Variants in WASHC4 observed in about 807,000 individuals in gnomAD.
WASHC4 encodes the protein WASH complex subunit 7.
Under a neutral mutation model 166.6 loss-of-function variants are expected in WASHC4, and 86 were observed. That is an observed-to-expected ratio of 0.52 (90% CI 0.43 to 0.62). WASHC4 has a LOEUF of 0.62. Ranked by LOEUF, WASHC4 falls within the 20% of genes least tolerant of loss-of-function variation. The pLI is 0.00. For missense variants in WASHC4, 1,262 were observed against 1,382.4 expected (o/e 0.91, Z 1.38); for synonymous variants, 446 against 451.6 (o/e 0.99, Z 0.16).
At position 105,164,176 on chromosome 12, in the gene WASHC4, T is replaced by A; in HGVS notation, c.3223T>A (p.Ser1075Thr). The part of the protein sequence containing the change: ...REFDSLHWFQ[S>T]VREKYLKEIR... ...GTTTGATTCACTTCACTGGTTCCAG[T>A]CTGTTAGAGAGAAATACCTGAAGGA... The change falls in exon 31 of 33, where the codon TCT becomes ACT. Residue 1075 changes from serine (S) to threonine (T), a missense_variant. By Grantham distance (58) the Ser-to-Thr change is moderately conservative. Transcript: ENST00000332180. 6.2e-7 allele frequency: 1 copy of A among 1,614,114 alleles called. No individual in the cohort carries two copies. Among genetic ancestry groups the A allele is most frequent in the South Asian group, 1.1e-5 (1 of 91,088 alleles).
chr12:105,156,670 T>C, intron 26 of WASHC4, 56 bp from the exon 27 acceptor site: 1 of 1,364,298 alleles, frequency 7.3e-7, no homozygotes, highest in South Asian at 1.2e-5. Flanking sequence ...ACTATATTCC[T>C]ATTAGAATTT....
At chr12:105,154,442 A>G (rs1050293853) in intron 26 of WASHC4, among the ~76,000 whole-genome samples, 15 of 152,224 alleles carry the variant, frequency 9.9e-5, no homozygotes, top group Middle Eastern at 3.2e-3. Context: ...CTTTTTGACT[A>G]ATAACTTGCC....
intron 6 of WASHC4, among the ~76,000 whole-genome samples, chr12:105,118,234 G>C (rs1384014988): frequency 6.6e-6 from 1 of 152,168 alleles, no homozygotes; most frequent in African/African-American, 2.4e-5. Context: ...GAAATGCAGT[G>C]GGAACAAAGA....
chr12:105,140,440 CT>C (rs914694094), intron 16 of WASHC4, 39 bp downstream of exon 16: 1 of 1,414,894 alleles, frequency 7.1e-7, no homozygotes, highest in Non-Finnish European at 1.0e-6. Flanking sequence ...AGTATGTTAT[CT>C]TTTTTGTTTG....
At position 105,127,259 on chromosome 12, in the gene WASHC4, T is replaced by C. The variant is rs1345408840; in HGVS notation, c.1169T>C (p.Phe390Ser). 2 of 1,611,814 alleles carry C rather than the reference T, an allele frequency of 1.2e-6. No homozygotes were observed. Among genetic ancestry groups the C allele is most frequent in the Non-Finnish European group, 1.7e-6 (2 of 1,178,118 alleles). Residue 390 changes from phenylalanine to serine, a missense_variant, in exon 13 of 33, where the codon TTT becomes TCT. Coordinates refer to ENST00000332180, the MANE Select transcript of WASHC4 (RefSeq NM_015275.3). ...GCCATTAAAATACACAGGGATACTT[T>C]TCTACAACAGAAAGCTCAATCACTT... Reference protein sequence around the residue: ...LQAIKIHRDTFLQQKAQSLTK... With the variant: ...LQAIKIHRDTSLQQKAQSLTK...
intron 24 of WASHC4, chr12:105,147,533 T>C: frequency 1.1e-6 from 1 of 919,588 alleles, no homozygotes; most frequent in Non-Finnish European, 1.3e-6. Flanking sequence ...ATTTATGCCC[T>C]TTTTGGGGCA....
chr12:105,114,293 A>G (rs768761981), intron 3 of WASHC4, 24 bp downstream of exon 3: 5 of 1,605,216 alleles, frequency 3.1e-6, no homozygotes, highest in South Asian at 1.1e-5. Context: ...AATCTAAAAA[A>G]TTGTTTTAAA....
At chr12:105,155,757 G>A (rs1367191544) in intron 26 of WASHC4, among the ~76,000 whole-genome samples, 5 of 152,132 alleles carry the variant, frequency 3.3e-5, no homozygotes, top group African/African-American at 9.7e-5. Flanking sequence ...CAGGAGAATC[G>A]CTTGAACTGC....
At chr12:105,146,589 G>T in intron 23 of WASHC4, 63 bp downstream of exon 23, 3 of 861,436 alleles carry the variant, frequency 3.5e-6, no homozygotes, top group South Asian at 1.5e-5. Flanking sequence ...AGGCTGAGGG[G>T]CAAGGAATTG....
chr12:105,143,636 T>C lies in WASHC4; in HGVS notation c.2010+393T>C, dbSNP rs533980234. ...AAGGAAATTATATATTTAAAAGATT[T>C]AGTGTGTAACAAAAGTAATTTGAAT... On this transcript the variant is annotated intron_variant, in intron 20 of 32. Coordinates refer to ENST00000332180, the MANE Select transcript of WASHC4 (RefSeq NM_015275.3). Among the ~76,000 whole-genome samples the C allele has an allele frequency of 5.9e-5, 9 of 152,122 alleles. No homozygotes were observed. The East Asian group carries it at 1.7e-3, about 29-fold the overall frequency.
In WASHC4 at chr12:105,120,599, T is replaced by G; in HGVS notation, c.561+2T>G. 6.3e-7 allele frequency: 1 copy of G among 1,591,714 alleles called. No individual in the cohort carries two copies. Among genetic ancestry groups the G allele is most frequent in the Non-Finnish European group, 8.6e-7 (1 of 1,159,738 alleles). ...GAGACAACTGGAGTTCATTTTCAGGTAAAAGACATTTAGCTTGACCTGTAA... is the reference window on the plus strand; with the variant it reads ...GAGACAACTGGAGTTCATTTTCAGGGAAAAGACATTTAGCTTGACCTGTAA... On this transcript the variant is annotated splice_donor_variant, in intron 8 of 32. Transcript: ENST00000332180. LOFTEE classifies it high-confidence loss of function.
chr12:105,130,660 T>G (rs1881713465), intron 13 of WASHC4, among the ~76,000 whole-genome samples: 1 of 152,168 alleles, frequency 6.6e-6, no homozygotes, highest in African/African-American at 2.4e-5. Context: ...CTTCAGAGTT[T>G]ATGTAAGTGA....
intron 10 of WASHC4, among the ~76,000 whole-genome samples, chr12:105,122,837 A>G (rs535773701): frequency 6.6e-5 from 10 of 152,302 alleles, no homozygotes; most frequent in South Asian, 4.2e-4. Context: ...TGCTTTATCA[A>G]CTGGCTAGCT....
At chr12:105,120,896 A>G (rs1181256167) in intron 8 of WASHC4, among the ~76,000 whole-genome samples, 1 of 152,228 alleles carries the variant, frequency 6.6e-6, no homozygotes, top group Non-Finnish European at 1.5e-5. Context: ...AATTTTGTTC[A>G]TCTTAAAAAG....
chr12:105,166,799 A>T, intron 32 of WASHC4, 65 bp from the exon 33 acceptor site: 1 of 1,150,166 alleles, frequency 8.7e-7, no homozygotes, highest in Non-Finnish European at 1.3e-6. Flanking sequence ...AATTTCTTTT[A>T]CTTCTTAATT....
At chr12:105,159,288 A>C (rs12229846) in intron 28 of WASHC4, among the ~76,000 whole-genome samples, 16,909 of 152,230 alleles carry the variant, frequency 0.11, 1,011 homozygotes, top group East Asian at 0.23. Context: ...TGCTAGTTGG[A>C]AGATCCAGAT....
At position 105,153,790 on chromosome 12, in the gene WASHC4, A is replaced by G. The variant is rs138706863; in HGVS notation, c.2758+1339A>G. ...GCATCCTGTTAATACTGCCTTCACT[A>G]TTGTTACATGTTTTTATTTTTTTTG... On this transcript the variant is annotated intron_variant, in intron 26 of 32. Transcript: ENST00000332180. 2.7e-3 allele frequency among the ~76,000 whole-genome samples: 410 copies of G among 152,132 alleles called. 4 individuals carry two copies. The highest frequency in any genetic ancestry group is 9.4e-3 in the African/African-American group (389 of 41,496).
At chr12:105,154,523 T>C (rs1452797590) in intron 26 of WASHC4, among the ~76,000 whole-genome samples, 1 of 152,220 alleles carries the variant, frequency 6.6e-6, no homozygotes, top group Admixed American at 6.5e-5. Flanking sequence ...GCTTTATATG[T>C]TTTAACTCAC....
At chr12:105,160,798 A>G (rs904732346) in intron 29 of WASHC4, among the ~76,000 whole-genome samples, 3 of 152,150 alleles carry the variant, frequency 2.0e-5, no homozygotes, top group African/African-American at 4.8e-5. Context: ...TTTAGCTGTT[A>G]TTATAGTTTT....
Sources: allele counts gnomAD v4.1 joint callset (sites outside exome capture counted in the v4.1 genomes callset), GRCh38; gene constraint gnomAD v4.1.1; transcripts MANE v1.5; gene names NCBI Gene and HGNC (gene_info 2026-07-23, HGNC 2026-07-21).